The following CCL15 variants were observed in gnomAD, a reference collection of about 807,000 sequenced individuals.
The protein encoded by CCL15 is C-C motif chemokine ligand 15.
A neutral mutation model predicts 10.6 loss-of-function variants in CCL15; 8 were observed. That is an observed-to-expected ratio of 0.75 (90% CI 0.44 to 1.36). The LOEUF is 1.36. CCL15 is among the 40% of genes most tolerant of loss of function. The pLI is 0.00. For synonymous variants in CCL15, 51 were observed against 48.8 expected, an observed-to-expected ratio of 1.04 and a Z score of -0.19; for missense variants, 128 against 136.6, an observed-to-expected ratio of 0.94 and a Z score of 0.32.
In CCL15 at chr17:35,998,979, A is replaced by G. The variant is rs1205316664; in HGVS notation, c.77-54T>C. On this transcript the variant is annotated intron_variant, in intron 1 of 3. Coordinates refer to ENST00000617897, the MANE Select transcript of CCL15 (RefSeq NM_032965.6). ...CACTGGGTGGCAGCAGTATGTTTCA[A>G]CATCTCCACCCACCCCATTGCTCAT... 7.8e-6 allele frequency: 11 copies of G among 1,409,882 alleles called. No individual in the cohort carries two copies. In the South Asian group the frequency reaches 8.1e-5, roughly 10 times the overall value. The allele number at this position is 1,409,882 out of a possible 1,614,324, so 87.3% of individuals were successfully genotyped here. A position where few individuals can be genotyped will look rare whatever the true frequency, so the allele number is the denominator to read the frequency against.
At chr17:36,000,202 C>T (rs951585805) in intron 1 of CCL15, among the ~76,000 whole-genome samples, 1 of 149,050 alleles carries the variant, frequency 6.7e-6, no homozygotes, top group Non-Finnish European at 1.5e-5. Flanking sequence ...TGGCTCACAC[C>T]TGTAATCCCA....
chr17:35,999,269 T>C (rs2089960349), intron 1 of CCL15, among the ~76,000 whole-genome samples: 1 of 152,220 alleles, frequency 6.6e-6, no homozygotes, highest in Non-Finnish European at 1.5e-5. Context: ...ATTATAGGGC[T>C]CTGGAAACAG....
intron 3 of CCL15, among the ~76,000 whole-genome samples, 157 bp downstream of exon 3, chr17:35,998,123 C>G (rs2089938832): frequency 1.3e-5 from 2 of 152,126 alleles, no homozygotes; most frequent in Admixed American, 1.3e-4. Flanking sequence ...GTGTCTCATC[C>G]CTGATGCCCT....
At chr17:35,998,739 G>T in intron 2 of CCL15, 127 bp downstream of exon 2, 1 of 801,290 alleles carries the variant, frequency 1.2e-6, no homozygotes, top group Non-Finnish European at 2.1e-6. Context: ...GATCTCCCTT[G>T]GAGATATTCA....
At chr17:35,999,455 G>C (rs998023205) in intron 1 of CCL15, among the ~76,000 whole-genome samples, 3 of 150,474 alleles carry the variant, frequency 2.0e-5, no homozygotes, top group Admixed American at 6.6e-5. Flanking sequence ...ATCTAGGTAT[G>C]TATTACTTTT....
Position 35,997,820 on chromosome 17 carries a change from T to G in CCL15, c.289A>C (p.Ser97Arg), listed in dbSNP as rs2089934066. 6.2e-7 allele frequency: 1 copy of G among 1,614,058 alleles called. No homozygotes were observed. Among genetic ancestry groups the G allele is most frequent in the African/African-American group, 1.3e-5 (1 of 75,030 alleles). ...KKGRQVCAKP[S>R]GPGVQDCMKK... ...ATGCAATCCTGAACTCCCGGACCAC[T>G]GGGTTTGGCACAGACTTGCCGCCCC... is the stretch of plus-strand genomic sequence containing the variant. Residue 97 changes from serine to arginine, a missense_variant, in exon 4 of 4, where the codon AGT (serine) becomes CGT (arginine). Ser to Arg is a moderately radical substitution (Grantham distance 110, BLOSUM62 -1). Coordinates refer to ENST00000617897, the MANE Select transcript of CCL15 (RefSeq NM_032965.6).
intron 2 of CCL15, 103 bp from the exon 3 acceptor site, chr17:35,998,494 G>C: frequency 1.2e-6 from 1 of 828,436 alleles, no homozygotes; most frequent in Non-Finnish European, 2.0e-6. Flanking sequence ...CTCCTCCTCG[G>C]CTAGCACTTG....
intron 1 of CCL15, among the ~76,000 whole-genome samples, chr17:35,999,777 A>G (rs2089967926): frequency 6.6e-6 from 1 of 152,088 alleles, no homozygotes; most frequent in South Asian, 2.1e-4. Flanking sequence ...TACCTTTTAA[A>G]AACCAGAGAA....
intron 1 of CCL15, among the ~76,000 whole-genome samples, chr17:35,999,869 C>A (rs2142013453): frequency 6.6e-6 from 1 of 152,172 alleles, no homozygotes; most frequent in African/African-American, 2.4e-5. Context: ...TAGAAAAATG[C>A]AGCCAGGCGT....
intron 3 of CCL15, 40 bp from the exon 4 acceptor site, chr17:35,997,900 G>T: frequency 6.6e-7 from 1 of 1,511,002 alleles, no homozygotes; most frequent in Non-Finnish European, 9.2e-7. Context: ...ACTGAGGTGT[G>T]GGCAGATGGA....
chr17:35,998,720 C>A, intron 2 of CCL15, 146 bp downstream of exon 2: 2 of 721,940 alleles, frequency 2.8e-6, no homozygotes, highest in African/African-American at 1.7e-5. Context: ...GGTCCCCCTA[C>A]CCTGTCCTGA....
Position 35,997,685 on chromosome 17 carries a change from A to C in CCL15, c.*82T>G, listed in dbSNP as rs1203232802. 8.9e-6 allele frequency: 7 copies of C among 789,744 alleles called. No individual in the cohort carries two copies. Among genetic ancestry groups the C allele is most frequent in the Non-Finnish European group, 1.5e-5 (7 of 458,862 alleles). 48.9% of individuals were successfully genotyped at this position (789,744 alleles called of 1,614,324 possible). A position where few individuals can be genotyped will look rare whatever the true frequency, so the allele number is the denominator to read the frequency against. Reference sequence around the variant, plus strand: ...CTTTCATTACCAGACACAACAATATATATATTTTTTAAGTATTTCAGACCA... The same window carrying C: ...CTTTCATTACCAGACACAACAATATCTATATTTTTTAAGTATTTCAGACCA... On this transcript the variant is annotated 3_prime_UTR_variant, in exon 4 of 4. Transcript: ENST00000617897.
intron 3 of CCL15, 92 bp from the exon 4 acceptor site, chr17:35,997,952 C>A: frequency 1.2e-6 from 1 of 831,942 alleles, no homozygotes; most frequent in Non-Finnish European, 2.0e-6. Context: ...ATTTCCCAGT[C>A]AACACAGCCT....
intron 3 of CCL15, 144 bp from the exon 4 acceptor site, chr17:35,998,004 C>A: frequency 1.5e-6 from 1 of 662,910 alleles, no homozygotes; most frequent in Non-Finnish European, 2.7e-6. Flanking sequence ...GGGACAGTGT[C>A]CTTTTGAGAC....
In CCL15 at chr17:35,998,936, C is replaced by T. The variant is rs756874680; in HGVS notation, c.77-11G>A. The T allele has an allele frequency of 4.3e-6, 7 of 1,612,286 alleles. No individual in the cohort carries two copies. The Admixed American group carries it at 8.3e-5, about 19-fold the overall frequency. On this transcript the variant is annotated splice_polypyrimidine_tract_variant and intron_variant, in intron 1 of 3. Coordinates refer to ENST00000617897, the MANE Select transcript of CCL15 (RefSeq NM_032965.6). ...ACTCTGTCTCTGCATCTGAAAGAAA[C>T]AGTACAGGGAAGGAAATCACTGGGT... is the stretch of plus-strand genomic sequence containing the variant.
Position 35,998,323 on chromosome 17 carries a change from T to C in CCL15, c.205A>G (p.Ser69Gly), listed in dbSNP as rs749136571. Reference sequence around the variant, plus strand: ...CACTCGCTGCTCGTTTCAAAATAACTTTTCATGAGTGAACACGGGATGCTT... The same window carrying C: ...CACTCGCTGCTCGTTTCAAAATAACCTTTCATGAGTGAACACGGGATGCTT... ...SQSIPCSLMK[S>G]YFETSSECSK... is the part of the protein sequence containing the mutation. Residue 69 changes from serine (S) to glycine (G), a missense_variant, in exon 3 of 4, where the codon AGT becomes GGT. Physicochemically the swap from Ser to Gly is moderately conservative, Grantham distance 56 (BLOSUM62 0). Transcript: ENST00000617897. 1.3e-5 allele frequency: 21 copies of C among 1,614,172 alleles called. No homozygotes were observed. Among genetic ancestry groups the C allele is most frequent in the Non-Finnish European group, 1.8e-5 (21 of 1,180,020 alleles).
chr17:35,999,899 C>T (rs918833060), intron 1 of CCL15, among the ~76,000 whole-genome samples: 3 of 152,024 alleles, frequency 2.0e-5, no homozygotes, highest in Admixed American at 2.0e-4. Context: ...GGCCTGTAAT[C>T]CCAGCACTTT....
intron 1 of CCL15, 41 bp downstream of exon 1, chr17:36,001,375 AC>A: frequency 6.2e-7 from 1 of 1,612,842 alleles, no homozygotes. Context: ...AGCTTGAGTT[AC>A]CATGGACCTG....
chr17:36,000,187 C>A (rs1328313105), intron 1 of CCL15, among the ~76,000 whole-genome samples: 6 of 144,160 alleles, frequency 4.2e-5, no homozygotes, highest in African/African-American at 1.0e-4. Flanking sequence ...AGTGGCCAGG[C>A]GCGGTGGCTC....
Sources: allele counts gnomAD v4.1 joint callset (sites outside exome capture counted in the v4.1 genomes callset), GRCh38; gene constraint gnomAD v4.1.1; transcripts MANE v1.5; gene names NCBI Gene and HGNC (gene_info 2026-07-23, HGNC 2026-07-21).